Variants in PIK3C2G observed in about 807,000 individuals in gnomAD.
The protein encoded by PIK3C2G is phosphatidylinositol 3-kinase C2 domain-containing subunit gamma.
Under a neutral mutation model 181.1 loss-of-function variants are expected in PIK3C2G, and 168 were observed. The observed-to-expected ratio is 0.93, with a 90% confidence interval of 0.82 to 1.05. The LOEUF is 1.05. Ranked by LOEUF, PIK3C2G falls within the 50% of genes least tolerant of loss-of-function variation. PIK3C2G has a pLI of 0.00. For missense variants in PIK3C2G, 1,869 were observed against 1,732.8 expected (o/e 1.08, Z -1.40); for synonymous variants, 573 against 592.2 (o/e 0.97, Z 0.47).
intron 28 of PIK3C2G, among the ~76,000 whole-genome samples, chr12:18,563,753 T>G (rs148454424): frequency 0.012 from 1,772 of 152,280 alleles, 13 homozygotes; most frequent in African/African-American, 0.028. Context: ...AAAAGCTACT[T>G]CGTTTTTCTT....
intron 18 of PIK3C2G, among the ~76,000 whole-genome samples, chr12:18,431,980 T>C (rs184735833): frequency 6.6e-6 from 1 of 152,304 alleles, no homozygotes; most frequent in South Asian, 2.1e-4. Flanking sequence ...AAGGTTTCCT[T>C]TGTACACAAT....
intron 2 of PIK3C2G, 51 bp downstream of exon 2, chr12:18,282,810 AATAATG>A: frequency 8.3e-7 from 1 of 1,200,452 alleles, no homozygotes; most frequent in Non-Finnish European, 1.2e-6. Flanking sequence ...AGAATCATTC[AATAATG>A]TATTGGGTTA....
At chr12:18,267,422 T>C (rs1163636233) in intron 1 of PIK3C2G, among the ~76,000 whole-genome samples, 1 of 152,228 alleles carries the variant, frequency 6.6e-6, no homozygotes, top group East Asian at 1.9e-4. Context: ...ATACATAGCA[T>C]ATATTTTTCA....
At chr12:18,455,794 A>C (rs971280424) in intron 18 of PIK3C2G, among the ~76,000 whole-genome samples, 6 of 152,128 alleles carry the variant, frequency 3.9e-5, no homozygotes, top group Non-Finnish European at 7.4e-5. Context: ...TCACATCCCA[A>C]AGGCTTCACC....
At chr12:18,281,382 C>A (rs986151886) in intron 1 of PIK3C2G, among the ~76,000 whole-genome samples, 1 of 150,426 alleles carries the variant, frequency 6.6e-6, no homozygotes, top group African/African-American at 2.4e-5. Context: ...GTATGGTGAA[C>A]GGTATCAAAT....
intron 14 of PIK3C2G, among the ~76,000 whole-genome samples, chr12:18,388,218 T>C (rs1429683843): frequency 6.6e-6 from 1 of 152,176 alleles, no homozygotes; most frequent in Non-Finnish European, 1.5e-5. Flanking sequence ...TTATCTTTCC[T>C]TCCTCTGAAC....
intron 29 of PIK3C2G, among the ~76,000 whole-genome samples, chr12:18,592,613 A>G (rs1462708456): frequency 1.3e-5 from 2 of 151,938 alleles, no homozygotes; most frequent in African/African-American, 2.4e-5. Context: ...AATTCTTCCC[A>G]TAGGTTTGTT....
intron 30 of PIK3C2G, 75 bp from the exon 31 acceptor site, chr12:18,609,460 A>G: frequency 1.3e-6 from 1 of 772,690 alleles, no homozygotes. Context: ...GTCCTGTTTT[A>G]GTTTTTAAAT....
chr12:18,266,147 G>T (rs1948489973), intron 1 of PIK3C2G, among the ~76,000 whole-genome samples: 1 of 149,442 alleles, frequency 6.7e-6, no homozygotes, highest in Non-Finnish European at 1.5e-5. Context: ...CATTCTGTTT[G>T]CTATTCTTAA....
intron 8 of PIK3C2G, among the ~76,000 whole-genome samples, chr12:18,327,262 G>T (rs1951387096): frequency 6.6e-6 from 1 of 152,064 alleles, no homozygotes; most frequent in Non-Finnish European, 1.5e-5. Flanking sequence ...AATGAGGACA[G>T]ACTATGATAT....
intron 18 of PIK3C2G, among the ~76,000 whole-genome samples, chr12:18,451,534 A>G (rs1947361413): frequency 6.6e-6 from 1 of 152,170 alleles, no homozygotes. Context: ...AGACAATTTG[A>G]CTTCCTCTCT....
chr12:18,497,742 G>C lies in PIK3C2G; in HGVS notation c.3010G>C (p.Asp1004His). The C allele has an allele frequency of 6.2e-7, 1 of 1,611,692 alleles. No homozygotes were observed. The highest frequency in any genetic ancestry group is 2.2e-5 in the East Asian group (1 of 44,770). ...IIYRCLSTGK[D>H]QGLVQMVPDA... ...TTATAGATGTCTATCCACAGGAAAA[G>C]ACCAAGGTCAGTATAGATTAGAAAG... Residue 1004 changes from aspartate (D) to histidine (H), a missense_variant, in exon 22 of 33, where the codon GAC becomes CAC. By Grantham distance (81) the Asp-to-His change is moderately conservative. Coordinates refer to ENST00000538779, the MANE Select transcript of PIK3C2G (RefSeq NM_001288772.2).
intron 3 of PIK3C2G, among the ~76,000 whole-genome samples, chr12:18,289,546 T>G (rs1017336361): frequency 6.6e-6 from 1 of 152,204 alleles, no homozygotes; most frequent in Admixed American, 6.5e-5. Context: ...GCCCATGTCC[T>G]TATTCTGAGC....
chr12:18,714,697 G>A, the PIK3C2G span: 1 of 152,124 alleles, frequency 6.6e-6, no homozygotes, highest in Non-Finnish European at 1.5e-5. Flanking sequence ...GGACGACTTT[G>A]CCTCACAGGA....
chr12:18,288,329 CATTT>C (rs1413483339), intron 3 of PIK3C2G, among the ~76,000 whole-genome samples: 2 of 152,080 alleles, frequency 1.3e-5, no homozygotes, highest in African/African-American at 4.8e-5. Flanking sequence ...TTTAATCATT[CATTT>C]AAAGTCTGTT....
chr12:18,463,583 T>C (rs924499326), intron 18 of PIK3C2G, among the ~76,000 whole-genome samples: 2 of 152,184 alleles, frequency 1.3e-5, no homozygotes, highest in African/African-American at 4.8e-5. Flanking sequence ...GTGTTTCTAA[T>C]GCAGGTGTTC....
At chr12:18,718,981 A>G in the PIK3C2G span, among the ~76,000 whole-genome samples, 1 of 152,182 alleles carries the variant, frequency 6.6e-6, no homozygotes, top group African/African-American at 2.4e-5. Context: ...AAAAATCACT[A>G]TCCACAAATG....
At chr12:18,609,880 C>T (rs1177929281) in intron 31 of PIK3C2G, among the ~76,000 whole-genome samples, 1 of 151,878 alleles carries the variant, frequency 6.6e-6, no homozygotes, top group Non-Finnish European at 1.5e-5. Flanking sequence ...AGGAAAAAGA[C>T]TAGGGAAAAG....
chr12:18,547,237 T>C (rs568946945), intron 26 of PIK3C2G, among the ~76,000 whole-genome samples: 2 of 152,086 alleles, frequency 1.3e-5, no homozygotes, highest in African/African-American at 2.4e-5. Flanking sequence ...TAATAAAACC[T>C]CTTCCAGGTT....
Sources: allele counts gnomAD v4.1 joint callset (sites outside exome capture counted in the v4.1 genomes callset), GRCh38; gene constraint gnomAD v4.1.1; transcripts MANE v1.5; gene names NCBI Gene and HGNC (gene_info 2026-07-23, HGNC 2026-07-21).